NAAA: variants seen among roughly 807,000 people sequenced by gnomAD.
The protein encoded by NAAA is N-acylethanolamine-hydrolyzing acid amidase.
A neutral mutation model predicts 44.8 loss-of-function variants in NAAA; 39 were observed. The ratio of observed to expected loss-of-function variants is 0.87; its 90% CI spans 0.67 to 1.14. NAAA has a LOEUF of 1.14. Among genes scored for constraint, NAAA ranks in the 50% most tolerant of loss-of-function variants. The probability of loss-of-function intolerance (pLI) is 0.00; values close to 1 mark genes in which losing one functional copy is unlikely to be tolerated. For synonymous variants in NAAA, 178 were observed against 191.3 expected, an observed-to-expected ratio of 0.93 and a Z score of 0.58; for missense variants, 460 against 467.8, an observed-to-expected ratio of 0.98 and a Z score of 0.15.
rs1005143806 is a variant in NAAA, at chr4:75,918,713, A to G, written c.998+48T>C. On this transcript the variant is annotated intron_variant, in intron 9 of 10. Transcript: ENST00000286733. Reference sequence around the variant, plus strand: ...AGCCAAACAGTACGTGAGTGAGTTCACTGTTCTGGAGTGATGTGTGAACAG... The same window carrying G: ...AGCCAAACAGTACGTGAGTGAGTTCGCTGTTCTGGAGTGATGTGTGAACAG... The G allele has an allele frequency of 2.5e-6, 4 of 1,592,770 alleles. No homozygotes were observed. The African/African-American group carries it at 5.4e-5, about 21-fold the overall frequency.
At position 75,921,129 on chromosome 4, in the gene NAAA, C is replaced by A; in HGVS notation, c.667-6G>T. On this transcript the variant is annotated splice_region_variant and splice_polypyrimidine_tract_variant and intron_variant, in intron 5 of 10. Coordinates refer to ENST00000286733, the MANE Select transcript of NAAA (RefSeq NM_014435.4). Reference sequence around the variant, plus strand: ...TTTTCCGACTCACTCAGGGTCTGAACGAAAGGATGAACTTGCGTGAGCAAC... The same window carrying A: ...TTTTCCGACTCACTCAGGGTCTGAAAGAAAGGATGAACTTGCGTGAGCAAC... 6.4e-7 allele frequency: 1 copy of A among 1,563,882 alleles called. No individual in the cohort carries two copies. Among genetic ancestry groups the A allele is most frequent in the Non-Finnish European group, 8.6e-7 (1 of 1,160,848 alleles).
intron 3 of NAAA, among the ~76,000 whole-genome samples, chr4:75,934,185 C>A (rs1007171899): frequency 2.6e-5 from 4 of 151,784 alleles, no homozygotes; most frequent in Non-Finnish European, 5.9e-5. Flanking sequence ...TCTCTAGAGG[C>A]CTTGTGATTC....
intron 8 of NAAA, 56 bp downstream of exon 8, chr4:75,919,853 A>G: frequency 1.4e-6 from 2 of 1,466,918 alleles, no homozygotes; most frequent in Non-Finnish European, 1.9e-6. Flanking sequence ...TTTCATATTC[A>G]CTATTAACAA....
At chr4:75,924,152 C>T (rs905775738) in intron 5 of NAAA, among the ~76,000 whole-genome samples, 1 of 152,160 alleles carries the variant, frequency 6.6e-6, no homozygotes, top group Non-Finnish European at 1.5e-5. Flanking sequence ...CTGGTGTGTC[C>T]GCATTCTAGT....
chr4:75,927,212 G>A (rs534492514), intron 4 of NAAA, among the ~76,000 whole-genome samples: 49 of 152,152 alleles, frequency 3.2e-4, no homozygotes, highest in Admixed American at 1.5e-3. Context: ...CCAGCACTTT[G>A]GGAGACCAAA....
At position 75,918,742 on chromosome 4, in the gene NAAA, T is replaced by C; in HGVS notation, c.998+19A>G. ...TTCTGGAGTGATGTGTGAACAGACA[T>C]GTTTAACAAGCCACTTACTTGTTAT... On this transcript the variant is annotated intron_variant, in intron 9 of 10. Coordinates refer to ENST00000286733, the MANE Select transcript of NAAA (RefSeq NM_014435.4). 3.1e-6 allele frequency: 5 copies of C among 1,612,186 alleles called. No homozygotes were observed. Among genetic ancestry groups the C allele is most frequent in the South Asian group, 1.1e-5 (1 of 91,046 alleles).
chr4:75,919,664 G>A (rs537542177), intron 8 of NAAA: 1 of 557,446 alleles, frequency 1.8e-6, no homozygotes, highest in African/African-American at 1.9e-5. Flanking sequence ...ATTTTTAGTA[G>A]AGACAGGGTT....
chr4:75,931,817 T>A (rs977633824), intron 3 of NAAA, among the ~76,000 whole-genome samples: 1 of 152,240 alleles, frequency 6.6e-6, no homozygotes, highest in Non-Finnish European at 1.5e-5. Context: ...CACAACTGAT[T>A]TTTTTTGTAA....
downstream of NAAA, among the ~76,000 whole-genome samples, chr4:75,911,970 G>A (rs1560494416): frequency 1.3e-5 from 2 of 152,146 alleles, no homozygotes; most frequent in Non-Finnish European, 2.9e-5. Context: ...CGATTAGCTT[G>A]GTCTGTGCCC....
intron 9 of NAAA, chr4:75,917,541 T>A (rs1277977954): frequency 1.2e-5 from 2 of 173,896 alleles, no homozygotes; most frequent in African/African-American, 4.8e-5. Flanking sequence ...CTCAGCTCAC[T>A]TGCAGCCTCG....
intron 5 of NAAA, 83 bp from the exon 6 acceptor site, chr4:75,921,206 A>C: frequency 8.0e-7 from 1 of 1,249,760 alleles, no homozygotes; most frequent in South Asian, 1.5e-5. Flanking sequence ...TCCAAAGCAC[A>C]TTCTCCTGAT....
chr4:75,913,531 G>T, downstream of NAAA: 1 of 327,090 alleles, frequency 3.1e-6, no homozygotes, highest in Non-Finnish European at 4.4e-6. Flanking sequence ...ACTCTACCAA[G>T]CAGCTGTTCA....
At chr4:75,925,320 C>T (rs1342595138) in intron 5 of NAAA, among the ~76,000 whole-genome samples, 1 of 152,206 alleles carries the variant, frequency 6.6e-6, no homozygotes, top group Non-Finnish European at 1.5e-5. Flanking sequence ...CAGGCGTGAG[C>T]CACTGCGCCC....
At chr4:75,921,771 G>A (rs982768434) in intron 5 of NAAA, among the ~76,000 whole-genome samples, 1 of 152,160 alleles carries the variant, frequency 6.6e-6, no homozygotes, top group Non-Finnish European at 1.5e-5. Context: ...GTGGGGAGGA[G>A]GGTTCTAGTT....
At chr4:75,930,879 C>T (rs559555899) in intron 4 of NAAA, among the ~76,000 whole-genome samples, 3 of 152,268 alleles carry the variant, frequency 2.0e-5, no homozygotes, top group African/African-American at 2.4e-5. Context: ...TTCATCCTTG[C>T]GGTAAGACCA....
At chr4:75,925,122 G>A (rs1301787663) in intron 5 of NAAA, among the ~76,000 whole-genome samples, 1 of 151,978 alleles carries the variant, frequency 6.6e-6, no homozygotes. Context: ...CTCCGGCTCC[G>A]CCTCCCGGGT....
chr4:75,911,218 C>T, downstream of NAAA: 1 of 457,008 alleles, frequency 2.2e-6, no homozygotes, highest in Non-Finnish European at 4.4e-6. Context: ...AAGGCAGGAA[C>T]TGGCTATTTT....
intron 5 of NAAA, among the ~76,000 whole-genome samples, chr4:75,924,350 C>G (rs934335444): frequency 6.6e-6 from 1 of 152,190 alleles, no homozygotes; most frequent in African/African-American, 2.4e-5. Flanking sequence ...CACTGAGATG[C>G]GTAACAGTCT....
intron 10 of NAAA, 74 bp from the exon 11 acceptor site, chr4:75,914,412 T>C (rs902718697): frequency 2.4e-5 from 16 of 669,254 alleles, no homozygotes; most frequent in Admixed American, 1.3e-4. Context: ...TCTCACTCTG[T>C]TTCCCAGGCT....
Sources: gnomAD v4.1 joint callset for allele counts (sites outside exome capture counted in the v4.1 genomes callset) on GRCh38, gnomAD v4.1.1 for gene constraint, MANE v1.5 for transcripts, NCBI Gene and HGNC (gene_info 2026-07-23, HGNC 2026-07-21) for gene names.